REC114: variants seen among roughly 807,000 people sequenced by gnomAD.
REC114 encodes meiotic recombination protein REC114.
In REC114, 27 loss-of-function variants were observed where a neutral mutation model predicts 31.3. That is an observed-to-expected ratio of 0.86 (90% CI 0.64 to 1.19). The LOEUF (loss-of-function observed/expected upper bound fraction) is 1.19, where lower values mean the gene tolerates loss of function less well. REC114 is among the 50% of genes most tolerant of loss of function. The probability of loss-of-function intolerance (pLI) is 0.00; values close to 1 mark genes in which losing one functional copy is unlikely to be tolerated. For synonymous variants in REC114, 134 were observed against 127.7 expected (o/e 1.05, Z -0.33); for missense variants, 344 against 326.9 (o/e 1.05, Z -0.40).
chr15:73,554,433 TA>T (rs1477510267), intron 4 of REC114, among the ~76,000 whole-genome samples: 1 of 152,248 alleles, frequency 6.6e-6, no homozygotes, highest in African/African-American at 2.4e-5. Flanking sequence ...TTTTTTAGTA[TA>T]AAATAGTTAT....
In REC114 at chr15:73,548,582, CTTATATACTG is replaced by C. The variant is rs545664365; in HGVS notation, c.334-2353_334-2344del. On this transcript the variant is annotated intron_variant, in intron 3 of 5. Coordinates refer to ENST00000331090, the MANE Select transcript of REC114 (RefSeq NM_001042367.2). ...AAATAACAGATGCTGGCGAGTTGTA[CTTATATACTG>C]TTGGTGGGAGTGTAAATTAGGTCAG... is the stretch of plus-strand genomic sequence containing the variant. Among the ~76,000 whole-genome samples, 18 of 152,276 alleles carry C rather than the reference CTTATATACTG, an allele frequency of 1.2e-4. No homozygotes were observed. In the South Asian group the frequency reaches 1.7e-3, roughly 14 times the overall value.
chr15:73,536,113 T>C lies in REC114; in HGVS notation c.250-4372T>C, dbSNP rs556133247. On this transcript the variant is annotated intron_variant, in intron 2 of 5. Transcript: ENST00000331090. Reference sequence around the variant, plus strand: ...GGCATTACCATTCAGGACATAGGCATGGGCAAGGACTTCATGTCTAAAACA... The same window carrying C: ...GGCATTACCATTCAGGACATAGGCACGGGCAAGGACTTCATGTCTAAAACA... Among the ~76,000 whole-genome samples the C allele has an allele frequency of 3.9e-5, 6 of 152,116 alleles. No homozygotes were observed. In the South Asian group the frequency reaches 1.0e-3, roughly 26 times the overall value.
intron 2 of REC114, among the ~76,000 whole-genome samples, chr15:73,537,643 A>G (rs1488837674): frequency 6.6e-6 from 1 of 152,252 alleles, no homozygotes; most frequent in Non-Finnish European, 1.5e-5. Flanking sequence ...CTATAAGCAC[A>G]GTGTTGTCCA....
chr15:73,463,535 G>C (rs1475307371), intron 1 of REC114, among the ~76,000 whole-genome samples: 1 of 152,140 alleles, frequency 6.6e-6, no homozygotes, highest in Non-Finnish European at 1.5e-5. Context: ...TAAAAAATGA[G>C]TTAAGCTGGG....
chr15:73,556,646 A>T (rs979158268), intron 5 of REC114, among the ~76,000 whole-genome samples: 10 of 152,336 alleles, frequency 6.6e-5, no homozygotes, highest in Admixed American at 6.5e-4. Flanking sequence ...TAAAACGGGG[A>T]AAAGTGGTTG....
intron 2 of REC114, among the ~76,000 whole-genome samples, chr15:73,516,636 T>TAAATAATTTTATACTC (rs1314234015): frequency 1.6e-4 from 24 of 152,126 alleles, no homozygotes; most frequent in Admixed American, 1.1e-3. Flanking sequence ...AGAGGTGCTA[T>TAAATAATTTTATACTC]AAAGCTATAA....
intron 2 of REC114, among the ~76,000 whole-genome samples, chr15:73,480,342 T>A (rs902017674): frequency 7.3e-5 from 11 of 151,540 alleles, no homozygotes; most frequent in African/African-American, 2.7e-4. Context: ...ATTATTTAAA[T>A]AAACAAATTT....
intron 2 of REC114, among the ~76,000 whole-genome samples, chr15:73,538,687 C>A (rs577529663): frequency 1.3e-5 from 2 of 151,960 alleles, no homozygotes; most frequent in Non-Finnish European, 2.9e-5. Context: ...CGATCTCTGA[C>A]CTCGTGATCC....
intron 3 of REC114, among the ~76,000 whole-genome samples, chr15:73,545,815 C>G (rs1894300876): frequency 6.6e-6 from 1 of 152,118 alleles, no homozygotes; most frequent in African/African-American, 2.4e-5. Context: ...CTATGAAATA[C>G]AGTTGCTGAT....
At chr15:73,506,063 A>C (rs1009131713) in intron 2 of REC114, among the ~76,000 whole-genome samples, 2 of 152,082 alleles carry the variant, frequency 1.3e-5, no homozygotes, top group Non-Finnish European at 2.9e-5. Context: ...TTTGTAAACA[A>C]ATGTTTTCAT....
chr15:73,456,362 A>G (rs960481551), intron 1 of REC114, among the ~76,000 whole-genome samples: 2 of 151,886 alleles, frequency 1.3e-5, no homozygotes, highest in African/African-American at 4.8e-5. Context: ...TTTCAAAGGG[A>G]AAAAAATCCT....
intron 2 of REC114, among the ~76,000 whole-genome samples, chr15:73,476,210 G>T (rs1893212523): frequency 6.6e-6 from 1 of 152,094 alleles, no homozygotes; most frequent in Non-Finnish European, 1.5e-5. Flanking sequence ...ATTGTAATTT[G>T]TTTAATCTTT....
chr15:73,555,595 A>T lies in REC114; in HGVS notation c.547-707A>T, dbSNP rs571571041. The stretch of plus-strand genomic sequence containing the variant: ...CTAGCACTTCCTGAGTTGCAAGATA[A>T]TTCATGGTTTTACTTGTTAGGTTCT... On this transcript the variant is annotated intron_variant, in intron 4 of 5. Transcript: ENST00000331090. Among the ~76,000 whole-genome samples the T allele has an allele frequency of 3.9e-5, 6 of 152,188 alleles. No homozygotes were observed. The South Asian group carries it at 1.0e-3, about 26-fold the overall frequency.
chr15:73,528,233 G>T (rs1003880786), intron 2 of REC114, among the ~76,000 whole-genome samples: 4 of 152,066 alleles, frequency 2.6e-5, no homozygotes, highest in Admixed American at 2.6e-4. Context: ...GATGTATTCT[G>T]TCTCATAAAG....
chr15:73,520,055 A>G (rs1020025584), intron 2 of REC114, among the ~76,000 whole-genome samples: 46 of 152,310 alleles, frequency 3.0e-4, no homozygotes, highest in African/African-American at 1.1e-3. Context: ...CTGTCGTATA[A>G]CACTGTGAAT....
In REC114 at chr15:73,545,666, CA is replaced by C. The variant is rs567389057; in HGVS notation, c.333+5106del. Among the ~76,000 whole-genome samples the C allele has an allele frequency of 4.0e-5, 6 of 151,452 alleles. No homozygotes were observed. In the East Asian group the frequency reaches 1.2e-3, roughly 29 times the overall value. ...CTGTTGCTTTTTTGGAATTATACTC[CA>C]AAAAAAACCCTAGCTATCCAAACTG... On this transcript the variant is annotated intron_variant, in intron 3 of 5. Transcript: ENST00000331090.
Position 73,509,079 on chromosome 15 carries a change from C to T in REC114, c.250-31406C>T, listed in dbSNP as rs1450782034. Among the ~76,000 whole-genome samples the T allele has an allele frequency of 3.6e-4, 55 of 151,702 alleles. No individual in the cohort carries two copies. In the East Asian group the frequency reaches 5.0e-3, roughly 14 times the overall value. ...CCCACCAACAGTGTAAAAGTGTTCC[C>T]GTTTCTCCACATCCTCTCCAGCACC... On this transcript the variant is annotated intron_variant, in intron 2 of 5. Coordinates refer to ENST00000331090, the MANE Select transcript of REC114 (RefSeq NM_001042367.2).
At position 73,508,445 on chromosome 15, in the gene REC114, ATTT is replaced by A. The variant is rs1021927809; in HGVS notation, c.250-32032_250-32030del. On this transcript the variant is annotated intron_variant, in intron 2 of 5. Coordinates refer to ENST00000331090, the MANE Select transcript of REC114 (RefSeq NM_001042367.2). ...TTTCTTTTTTTTTTTTTCTTTTTTA[ATTT>A]TTTTTTTAATTATACTTTAAGTTTT... is the stretch of plus-strand genomic sequence containing the variant. Among the ~76,000 whole-genome samples, 818 of 142,744 alleles carry A rather than the reference ATTT, an allele frequency of 5.7e-3. 6 individuals are homozygous for A. The highest frequency in any genetic ancestry group is 0.02 in the African/African-American group (778 of 38,866). 93.6% of individuals were successfully genotyped at this position (142,744 alleles called of 152,430 possible). A position where few individuals can be genotyped will look rare whatever the true frequency, so the allele number is the denominator to read the frequency against.
At chr15:73,471,734 G>A (rs1365850008) in intron 1 of REC114, among the ~76,000 whole-genome samples, 3 of 152,014 alleles carry the variant, frequency 2.0e-5, no homozygotes, top group Non-Finnish European at 4.4e-5. Context: ...GTTCATAACA[G>A]TATTATTTGT....
Sources: allele counts gnomAD v4.1 joint callset (sites outside exome capture counted in the v4.1 genomes callset), GRCh38; gene constraint gnomAD v4.1.1; transcripts MANE v1.5; gene names NCBI Gene and HGNC (gene_info 2026-07-23, HGNC 2026-07-21).